Variants in NTF3 observed in about 807,000 individuals in gnomAD.
NTF3 encodes the protein neurotrophin-3.
NTF3 carries 8 observed loss-of-function variants against 26.3 expected under a neutral mutation model. The ratio of observed to expected loss-of-function variants is 0.30; its 90% confidence interval spans 0.18 to 0.55. The LOEUF (loss-of-function observed/expected upper bound fraction) is 0.55. Among genes scored for constraint, NTF3 ranks in the 20% least tolerant of loss-of-function variants. The pLI is 0.93. For missense variants in NTF3, 276 were observed against 352.9 expected, an observed-to-expected ratio of 0.78 and a Z score of 1.75; for synonymous variants, 154 against 145.5, an observed-to-expected ratio of 1.06 and a Z score of -0.42.
chr12:5,468,453 C>A (rs113661540), intron 1 of NTF3, among the ~76,000 whole-genome samples: 4 of 152,160 alleles, frequency 2.6e-5, no homozygotes, highest in South Asian at 2.1e-4. Flanking sequence ...TTGTATCCAG[C>A]GAGGGGGCAT....
intron 1 of NTF3, among the ~76,000 whole-genome samples, chr12:5,460,844 G>A (rs1035581316): frequency 2.0e-5 from 3 of 152,096 alleles, no homozygotes; most frequent in African/African-American, 7.2e-5. Flanking sequence ...AGAGGTGTAG[G>A]CTTAATTAAT....
intron 1 of NTF3, among the ~76,000 whole-genome samples, chr12:5,474,835 A>T (rs969046524): frequency 6.6e-6 from 1 of 152,194 alleles, no homozygotes; most frequent in African/African-American, 2.4e-5. Context: ...GAATTATTAA[A>T]GATCAGTTCA....
chr12:5,478,547 G>A (rs1591604114), intron 1 of NTF3, among the ~76,000 whole-genome samples: 2 of 152,182 alleles, frequency 1.3e-5, no homozygotes, highest in Admixed American at 6.5e-5. Flanking sequence ...ACGGGCCTGC[G>A]GCCCGATAGG....
chr12:5,432,775 C>A (rs1940112897), intron 1 of NTF3, among the ~76,000 whole-genome samples: 1 of 152,094 alleles, frequency 6.6e-6, no homozygotes, highest in Non-Finnish European at 1.5e-5. Context: ...TCAACAGAAT[C>A]AACCACCCAC....
chr12:5,480,440 A>G (rs1276388009), intron 1 of NTF3, among the ~76,000 whole-genome samples: 4 of 152,220 alleles, frequency 2.6e-5, no homozygotes, highest in African/African-American at 7.2e-5. Flanking sequence ...TGGCAAGCTC[A>G]GTCAGAGCCC....
intron 1 of NTF3, among the ~76,000 whole-genome samples, chr12:5,482,679 A>AC (rs1167702330): frequency 6.7e-6 from 1 of 148,468 alleles, no homozygotes; most frequent in Non-Finnish European, 1.5e-5. Flanking sequence ...CAAGAAAGAG[A>AC]CCCCCCTTTC....
intron 1 of NTF3, among the ~76,000 whole-genome samples, chr12:5,482,167 C>T (rs1454886388): frequency 6.6e-6 from 1 of 151,954 alleles, no homozygotes; most frequent in Non-Finnish European, 1.5e-5. Context: ...CTCATGCGTA[C>T]ACGAGCGCGC....
chr12:5,458,859 A>G (rs1483381670), intron 1 of NTF3, among the ~76,000 whole-genome samples: 1 of 152,126 alleles, frequency 6.6e-6, no homozygotes, highest in African/African-American at 2.4e-5. Context: ...GAAAGCAAGC[A>G]CACATACACA....
intron 1 of NTF3, among the ~76,000 whole-genome samples, chr12:5,465,176 C>T (rs1940574462): frequency 6.6e-6 from 1 of 152,206 alleles, no homozygotes; most frequent in South Asian, 2.1e-4. Context: ...GAAGCATCCT[C>T]CTCCCCAGAG....
chr12:5,480,491 A>G (rs950583442), intron 1 of NTF3, among the ~76,000 whole-genome samples: 22 of 152,200 alleles, frequency 1.4e-4, no homozygotes, highest in African/African-American at 5.1e-4. Context: ...GTCTCCCTGC[A>G]GCTGTTGGCG....
At chr12:5,481,684 A>C (rs1246825538) in intron 1 of NTF3, among the ~76,000 whole-genome samples, 1 of 133,956 alleles carries the variant, frequency 7.5e-6, no homozygotes, top group African/African-American at 2.8e-5. Context: ...ATGTATAGAC[A>C]TACACCACAC....
chr12:5,488,317 C>A (rs1940893268), intron 1 of NTF3, among the ~76,000 whole-genome samples: 1 of 152,238 alleles, frequency 6.6e-6, no homozygotes, highest in Non-Finnish European at 1.5e-5. Flanking sequence ...GGTCTGTCCT[C>A]ACTGGTGTCT....
intron 1 of NTF3, among the ~76,000 whole-genome samples, chr12:5,441,366 T>TA (rs1940233816): frequency 6.6e-6 from 1 of 152,240 alleles, no homozygotes; most frequent in South Asian, 2.1e-4. Context: ...GTACAAGTGA[T>TA]ACGTTTATTC....
intron 1 of NTF3, among the ~76,000 whole-genome samples, chr12:5,441,040 G>A (rs1217021473): frequency 6.6e-6 from 1 of 152,194 alleles, no homozygotes; most frequent in Non-Finnish European, 1.5e-5. Flanking sequence ...TATGCGAGAG[G>A]TTTATGTGGG....
intron 1 of NTF3, among the ~76,000 whole-genome samples, chr12:5,434,605 C>T (rs928255950): frequency 6.6e-6 from 1 of 151,508 alleles, no homozygotes; most frequent in Non-Finnish European, 1.5e-5. Flanking sequence ...GTGTGCTTAG[C>T]GGGAGACAAG....
chr12:5,450,882 C>T (rs1940364250), intron 1 of NTF3, among the ~76,000 whole-genome samples: 1 of 152,140 alleles, frequency 6.6e-6, no homozygotes, highest in Non-Finnish European at 1.5e-5. Context: ...GTATCTCCAG[C>T]ACCTGGACTA....
At chr12:5,491,174 G>C (rs1040423228) in intron 1 of NTF3, among the ~76,000 whole-genome samples, 1 of 152,156 alleles carries the variant, frequency 6.6e-6, no homozygotes, top group African/African-American at 2.4e-5. Context: ...GCAGGCCTCC[G>C]TTCCCTTATA....
At position 5,494,873 on chromosome 12, in the gene NTF3, C is replaced by A; in HGVS notation, c.698C>A (p.Ser233Tyr). 1 of 1,614,186 alleles carries A rather than the reference C, an allele frequency of 6.2e-7. No individual in the cohort carries two copies. Among genetic ancestry groups the A allele is most frequent in the Non-Finnish European group, 8.5e-7 (1 of 1,180,040 alleles). Residue 233 changes from serine (S) to tyrosine (Y), a missense_variant, in exon 2 of 2, where the codon TCC (serine) becomes TAC (tyrosine). Transcript: ENST00000423158. This position sits in a 1 kb window ranked among gnomAD's most constrained non-coding sequence, Gnocchi z 8.3. The part of the protein sequence containing the change: ...DKHWNSQCKT[S>Y]QTYVRALTSE... ...CACTGGAACTCTCAGTGCAAAACATCCCAAACCTACGTCCGAGCACTGACT... is the reference window on the plus strand; with the variant it reads ...CACTGGAACTCTCAGTGCAAAACATACCAAACCTACGTCCGAGCACTGACT...
intron 1 of NTF3, among the ~76,000 whole-genome samples, chr12:5,439,149 AG>A (rs779032889): frequency 2.6e-5 from 4 of 152,182 alleles, no homozygotes; most frequent in Non-Finnish European, 5.9e-5. Context: ...AATGTCTTTC[AG>A]TGGCAATGTC....
Sources: allele counts gnomAD v4.1 joint callset (sites outside exome capture counted in the v4.1 genomes callset), GRCh38; gene constraint gnomAD v4.1.1; non-coding constraint Gnocchi (gnomAD v3.1); transcripts MANE v1.5; gene names NCBI Gene and HGNC (gene_info 2026-07-23, HGNC 2026-07-21).